PXDNL: variants seen among roughly 807,000 people sequenced by gnomAD.
The protein encoded by PXDNL is probable oxidoreductase PXDNL.
A neutral mutation model predicts 150.8 loss-of-function variants in PXDNL; 145 were observed. The ratio of observed to expected loss-of-function variants is 0.96; its 90% CI spans 0.84 to 1.10. The LOEUF is 1.10. Among genes scored for constraint, PXDNL ranks in the 50% least tolerant of loss-of-function variants. The pLI, the probability that PXDNL is intolerant of heterozygous loss-of-function variation, is 0.00. For missense variants in PXDNL, 2,087 were observed against 1,873.9 expected, an observed-to-expected ratio of 1.11 and a Z score of -2.10; for synonymous variants, 757 against 725.7, an observed-to-expected ratio of 1.04 and a Z score of -0.69.
chr8:51,779,535 A>G (rs886909956), intron 1 of PXDNL, among the ~76,000 whole-genome samples: 2 of 152,216 alleles, frequency 1.3e-5, no homozygotes, highest in African/African-American at 2.4e-5. Context: ...GAACTGGCCC[A>G]TTACCTGGAG....
In PXDNL at chr8:51,408,329, G is replaced by A. The variant is rs1352089076; in HGVS notation, c.3295C>T (p.Pro1099Ser). ...ACGCCAAACAGCCCCCGGAGAACCG[G>A]GTCTATCCCACCTTCCTTGATTATT... is the stretch of plus-strand genomic sequence containing the variant. ...SRIIKEGGID[P>S]VLRGLFGVAA... The change falls in exon 17 of 23, where the codon CCG (proline) becomes TCG (serine). Residue 1099 changes from proline (P) to serine (S), a missense_variant. Physicochemically the swap from Pro to Ser is moderately conservative, Grantham distance 74. Transcript: ENST00000356297. 6.2e-6 allele frequency: 10 copies of A among 1,613,990 alleles called. No individual in the cohort carries two copies. Among genetic ancestry groups the A allele is most frequent in the African/African-American group, 2.7e-5 (2 of 75,060 alleles).
chr8:51,493,712 A>G (rs1296429679), intron 5 of PXDNL, among the ~76,000 whole-genome samples: 1 of 152,208 alleles, frequency 6.6e-6, no homozygotes, highest in Non-Finnish European at 1.5e-5. Context: ...GAAATGAAGC[A>G]AGAAGAGAAG....
At chr8:51,490,589 A>ATG in intron 5 of PXDNL, among the ~76,000 whole-genome samples, 1 of 149,912 alleles carries the variant, frequency 6.7e-6, no homozygotes, top group Non-Finnish European at 1.5e-5. Flanking sequence ...ATGTATATGT[A>ATG]TATATATATA....
intron 4 of PXDNL, among the ~76,000 whole-genome samples, chr8:51,524,944 C>G (rs758918686): frequency 3.9e-5 from 6 of 152,178 alleles, no homozygotes; most frequent in Non-Finnish European, 8.8e-5. Context: ...CTAGAAAACA[C>G]TAAAACTGTT....
intron 1 of PXDNL, among the ~76,000 whole-genome samples, chr8:51,723,934 C>A (rs537565684): frequency 6.6e-6 from 1 of 152,148 alleles, no homozygotes; most frequent in African/African-American, 2.4e-5. Flanking sequence ...TGCACCTGAA[C>A]AAGACGACTG....
intron 21 of PXDNL, among the ~76,000 whole-genome samples, chr8:51,335,640 G>A (rs1000933087): frequency 1.3e-5 from 2 of 150,580 alleles, no homozygotes; most frequent in African/African-American, 4.9e-5. Flanking sequence ...ATAATTAAAA[G>A]TGTAAATTCT....
intron 1 of PXDNL, among the ~76,000 whole-genome samples, chr8:51,702,427 A>G (rs1163735205): frequency 2.0e-5 from 3 of 152,236 alleles, no homozygotes; most frequent in African/African-American, 7.2e-5. Context: ...AATATGGTAG[A>G]GGGAAAAACT....
chr8:51,690,980 G>T (rs1303005526), intron 1 of PXDNL, among the ~76,000 whole-genome samples: 1 of 152,116 alleles, frequency 6.6e-6, no homozygotes, highest in Non-Finnish European at 1.5e-5. Context: ...TTTGAGAAGT[G>T]TCTGTTCATA....
At chr8:51,803,720 GTTC>G (rs1282674695) in intron 1 of PXDNL, among the ~76,000 whole-genome samples, 4 of 152,140 alleles carry the variant, frequency 2.6e-5, no homozygotes, top group Non-Finnish European at 5.9e-5. Flanking sequence ...CCTGGCTTTT[GTTC>G]TTCTTTGTGT....
In PXDNL at chr8:51,375,185, TTGCGGAGA is replaced by T. The variant is rs556440165; in HGVS notation, c.3558-462_3558-455del. Among the ~76,000 whole-genome samples the T allele has an allele frequency of 4.9e-3, 745 of 152,294 alleles. 5 individuals are homozygous for T. Among genetic ancestry groups the T allele is most frequent in the African/African-American group, 0.017 (695 of 41,560 alleles). Reference sequence around the variant, plus strand: ...TAAAAAGTCAATAGAAAATCATAATTTGCGGAGATGATAAGATAAAAAGTGTTAGGTAA... The same window carrying T: ...TAAAAAGTCAATAGAAAATCATAATTTGATAAGATAAAAAGTGTTAGGTAA... On this transcript the variant is annotated intron_variant, in intron 17 of 22. Transcript: ENST00000356297.
intron 2 of PXDNL, among the ~76,000 whole-genome samples, chr8:51,629,191 T>C (rs1168788515): frequency 1.3e-5 from 2 of 150,972 alleles, no homozygotes; most frequent in African/African-American, 2.4e-5. Context: ...CATAGAGAAA[T>C]AGAAAGTATG....
chr8:51,506,775 G>A (rs1368852357), intron 4 of PXDNL, among the ~76,000 whole-genome samples: 2 of 152,006 alleles, frequency 1.3e-5, no homozygotes, highest in African/African-American at 4.8e-5. Context: ...ATGCAGATTA[G>A]ACCATCCCCT....
At chr8:51,472,087 T>A (rs1810350832) in intron 8 of PXDNL, 100 bp downstream of exon 8, 2 of 705,794 alleles carry the variant, frequency 2.8e-6, no homozygotes, top group East Asian at 5.1e-5. Flanking sequence ...ACTCTGAAAA[T>A]TTTAGTAATT....
chr8:51,513,537 T>C (rs2130354575), intron 4 of PXDNL, among the ~76,000 whole-genome samples: 1 of 152,296 alleles, frequency 6.6e-6, no homozygotes, highest in Non-Finnish European at 1.5e-5. Context: ...ACAGAAACTT[T>C]TAAATAAGAA....
intron 3 of PXDNL, among the ~76,000 whole-genome samples, chr8:51,576,098 A>G (rs28884798): frequency 0.19 from 28,606 of 151,366 alleles, 2,813 homozygotes; most frequent in Admixed American, 0.25. Context: ...TTTTCTCAAC[A>G]ATTGATGGAA....
At chr8:51,780,415 G>A (rs982770095) in intron 1 of PXDNL, among the ~76,000 whole-genome samples, 9 of 152,192 alleles carry the variant, frequency 5.9e-5, no homozygotes, top group African/African-American at 2.2e-4. Flanking sequence ...TCCCATATGG[G>A]TTTCCAAGAA....
chr8:51,428,809 A>C (rs1343293400), intron 12 of PXDNL, among the ~76,000 whole-genome samples: 1 of 151,788 alleles, frequency 6.6e-6, no homozygotes, highest in Non-Finnish European at 1.5e-5. Context: ...ACTTTGCATA[A>C]AAAATTGATC....
At chr8:51,576,966 A>C (rs577319095) in intron 3 of PXDNL, among the ~76,000 whole-genome samples, 9 of 152,102 alleles carry the variant, frequency 5.9e-5, no homozygotes, top group African/African-American at 2.2e-4. Flanking sequence ...GATAATGTGA[A>C]TAGTGCTATA....
chr8:51,652,481 A>C lies in PXDNL; in HGVS notation c.236+2208T>G, dbSNP rs563031420. On this transcript the variant is annotated intron_variant, in intron 2 of 22. Transcript: ENST00000356297. ...CACACAAACACACACACACACACAC[A>C]CCAACCACATGTACACACAACTTAC... Among the ~76,000 whole-genome samples, 11 of 150,812 alleles carry C rather than the reference A, an allele frequency of 7.3e-5. No homozygotes were observed. In the East Asian group the frequency reaches 1.4e-3, roughly 19 times the overall value.
Sources: allele counts gnomAD v4.1 joint callset (sites outside exome capture counted in the v4.1 genomes callset), GRCh38; gene constraint gnomAD v4.1.1; transcripts MANE v1.5; gene names NCBI Gene and HGNC (gene_info 2026-07-23, HGNC 2026-07-21).